Variants in AXIN1 observed in about 807,000 individuals in gnomAD.
AXIN1 encodes the protein axin 1.
Under a neutral mutation model 76.4 loss-of-function variants are expected in AXIN1, and 30 were observed. The observed-to-expected ratio is 0.39, with a 90% CI of 0.29 to 0.53. AXIN1 has a LOEUF of 0.53. Ranked by LOEUF, AXIN1 falls within the 20% of genes least tolerant of loss-of-function variation. The pLI is 0.66. For missense variants in AXIN1, 1,140 were observed against 1,198.8 expected (o/e 0.95, Z 0.72); for synonymous variants, 545 against 501.4 (o/e 1.09, Z -1.16).
At position 346,139 on chromosome 16, in the gene AXIN1, C is replaced by T. The variant is rs750634148; in HGVS notation, c.878+9G>A. The T allele has an allele frequency of 2.2e-5, 35 of 1,612,764 alleles. 1 individual carries two copies. In the South Asian group the frequency reaches 3.5e-4, roughly 16 times the overall value. On this transcript the variant is annotated intron_variant, in intron 2 of 10. Transcript: ENST00000262320. ...AGTACAGAAAGTGGACGCCTGGCGT[C>T]GGACTCACCTGAACTCTCTGCCTTC...
At position 293,340 on chromosome 16, in the gene AXIN1, T is replaced by C. The variant is rs2052620973; in HGVS notation, c.2186+148A>G. 1 of 804,494 alleles carries C rather than the reference T, an allele frequency of 1.2e-6. No individual in the cohort carries two copies. Among genetic ancestry groups the C allele is most frequent in the Non-Finnish European group, 2.0e-6 (1 of 509,972 alleles). The allele number at this position is 804,494 out of a possible 1,614,324, so 49.8% of individuals were successfully genotyped here. On this transcript the variant is annotated intron_variant, in intron 8 of 10. Transcript: ENST00000262320. The surrounding 1 kb of genome is among the most constrained non-coding windows in gnomAD (Gnocchi z 4.6). ...GCCTGCCACGTGGCCCCTCAGTGGT[T>C]CTCAGTGGATGGAAGGGCCCAGTAT...
Position 347,032 on chromosome 16 carries a change from A to C in AXIN1, c.-7T>G, listed in dbSNP as rs764290475. 3.2e-5 allele frequency: 52 copies of C among 1,613,936 alleles called. No individual in the cohort carries two copies. In the South Asian group the frequency reaches 5.7e-4, roughly 18 times the overall value. On this transcript the variant is annotated 5_prime_UTR_variant, in exon 2 of 11. Transcript: ENST00000262320. ...CCTGCTCTTGGATATTCATTTTGGG[A>C]CTCTGCGTCAAGGAACAATGAGCGC...
In AXIN1 at chr16:347,031, G is replaced by A. The variant is rs759343259; in HGVS notation, c.-6C>T. The A allele has an allele frequency of 1.2e-5, 19 of 1,613,934 alleles. No homozygotes were observed. The highest frequency in any genetic ancestry group is 1.3e-5 in the Non-Finnish European group (15 of 1,180,052). ...CCCTGCTCTTGGATATTCATTTTGG[G>A]ACTCTGCGTCAAGGAACAATGAGCG... On this transcript the variant is annotated 5_prime_UTR_variant, in exon 2 of 11. Transcript: ENST00000262320.
At position 293,274 on chromosome 16, in the gene AXIN1, G is replaced by A. The variant is rs1018362036; in HGVS notation, c.2186+214C>T. ...AGCAATGAGCGCGGCGGCCTCGGGT[G>A]TGTGAAAGCTCCAGCCCCAGCCTCC... On this transcript the variant is annotated intron_variant, in intron 8 of 10. Transcript: ENST00000262320. The surrounding 1 kb of genome is among the most constrained non-coding windows in gnomAD (Gnocchi z 4.6). 3.3e-6 allele frequency: 2 copies of A among 606,822 alleles called. No individual in the cohort carries two copies. Among genetic ancestry groups the A allele is most frequent in the African/African-American group, 3.7e-5 (2 of 53,958 alleles). The allele number at this position is 606,822 out of a possible 1,614,324, so 37.6% of individuals were successfully genotyped here. A position where few individuals can be genotyped will look rare whatever the true frequency, so the allele number is the denominator to read the frequency against.
chr16:297,255 T>A (rs781679878), intron 6 of AXIN1, 29 bp from the exon 7 acceptor site: 1 of 1,600,940 alleles, frequency 6.2e-7, no homozygotes. Flanking sequence ...CGAGTCGCCC[T>A]GGCCTCCGGT....
intron 3 of AXIN1, 131 bp downstream of exon 3, chr16:314,412 C>CATT: frequency 1.4e-6 from 2 of 1,418,122 alleles, no homozygotes; most frequent in Non-Finnish European, 9.7e-7. Context: ...GGGACTTACA[C>CATT]GCTGCCATCC....
At chr16:335,703 C>T (rs1005596387) in intron 2 of AXIN1, among the ~76,000 whole-genome samples, 2 of 151,484 alleles carry the variant, frequency 1.3e-5, no homozygotes, top group African/African-American at 4.8e-5. Context: ...GCACCCAGTA[C>T]CACAGGATGC....
In AXIN1 at chr16:313,940, C is replaced by T. The variant is rs367632990; in HGVS notation, c.1019+603G>A. ...AGCACAACCACAGCATCTTCCCTCA[C>T]TCCTGCTCCCAGCCCCTTGCCAAGT... On this transcript the variant is annotated intron_variant, in intron 3 of 10. Transcript: ENST00000262320. Among the ~76,000 whole-genome samples, 4 of 152,362 alleles carry T rather than the reference C, an allele frequency of 2.6e-5. No individual in the cohort carries two copies. In the South Asian group the frequency reaches 8.3e-4, roughly 32 times the overall value.
intron 8 of AXIN1, 50 bp from the exon 9 acceptor site, chr16:291,347 T>C: frequency 6.8e-7 from 1 of 1,481,446 alleles, no homozygotes; most frequent in Non-Finnish European, 9.2e-7. Context: ...CCACCAGCCC[T>C]GGGGAGGGAG....
At chr16:345,810 C>T (rs2054021975) in intron 2 of AXIN1, among the ~76,000 whole-genome samples, 1 of 151,972 alleles carries the variant, frequency 6.6e-6, no homozygotes, top group Non-Finnish European at 1.5e-5. Context: ...ACCATGTCTA[C>T]TGGGTAGATC....
chr16:322,189 G>A (rs1358838332), intron 2 of AXIN1, among the ~76,000 whole-genome samples: 1 of 152,178 alleles, frequency 6.6e-6, no homozygotes, highest in Non-Finnish European at 1.5e-5. Context: ...CTTCTCCCAG[G>A]CCTGGCTCAG....
At position 319,765 on chromosome 16, in the gene AXIN1, C is replaced by T. The variant is rs561557741; in HGVS notation, c.879-5082G>A. ...TTCCGTCTTTTCACATTTAACCATT[C>T]TATATTCTTCTACTTGTGTAAGCAG... On this transcript the variant is annotated intron_variant, in intron 2 of 10. Transcript: ENST00000262320. 4.6e-5 allele frequency among the ~76,000 whole-genome samples: 7 copies of T among 152,284 alleles called. No individual in the cohort carries two copies. The South Asian group carries it at 1.5e-3, about 32-fold the overall frequency.
chr16:318,395 G>A (rs1260456790), intron 2 of AXIN1, among the ~76,000 whole-genome samples: 1 of 152,168 alleles, frequency 6.6e-6, no homozygotes, highest in Non-Finnish European at 1.5e-5. Context: ...AAGGCGGCTG[G>A]GAGAAAAGAA....
intron 2 of AXIN1, among the ~76,000 whole-genome samples, chr16:335,136 T>C (rs1251858671): frequency 3.9e-5 from 6 of 152,196 alleles, no homozygotes; most frequent in Admixed American, 3.9e-4. Flanking sequence ...TAAACTTTTT[T>C]GTTCACCATG....
intron 5 of AXIN1, among the ~76,000 whole-genome samples, chr16:302,998 A>G (rs1248556974): frequency 1.3e-5 from 2 of 152,104 alleles, no homozygotes; most frequent in African/African-American, 2.4e-5. Flanking sequence ...AATACCTGGG[A>G]CCACAGGTGT....
At chr16:308,379 G>A (rs1487763656) in intron 4 of AXIN1, among the ~76,000 whole-genome samples, 1 of 152,224 alleles carries the variant, frequency 6.6e-6, no homozygotes, top group Non-Finnish European at 1.5e-5. Context: ...CTGAGGGGAG[G>A]TTGTCTGCCT....
intron 2 of AXIN1, among the ~76,000 whole-genome samples, chr16:329,563 A>T (rs145657782): frequency 9.2e-5 from 14 of 152,008 alleles, no homozygotes; most frequent in Non-Finnish European, 1.3e-4. Context: ...CTCCTGCCTC[A>T]GCCTCCCGAG....
At chr16:336,011 G>T (rs1384721304) in intron 2 of AXIN1, among the ~76,000 whole-genome samples, 1 of 152,200 alleles carries the variant, frequency 6.6e-6, no homozygotes, top group African/African-American at 2.4e-5. Flanking sequence ...AAGGCAGGGG[G>T]ATCACTTGAG....
intron 2 of AXIN1, among the ~76,000 whole-genome samples, chr16:318,847 T>C (rs367751902): frequency 1.9e-3 from 175 of 89,978 alleles, no homozygotes; most frequent in South Asian, 2.4e-3. Context: ...AGAATGCGGC[T>C]GGGGCCTTGG....
Sources: gnomAD v4.1 joint callset for allele counts (sites outside exome capture counted in the v4.1 genomes callset) on GRCh38, gnomAD v4.1.1 for gene constraint, Gnocchi (gnomAD v3.1) non-coding constraint, MANE v1.5 for transcripts, NCBI Gene and HGNC (gene_info 2026-07-23, HGNC 2026-07-21) for gene names.